AHDC1: variants seen among roughly 807,000 people sequenced by gnomAD.
The protein encoded by AHDC1 is AT-hook DNA binding motif containing 1, also known as transcription factor Gibbin.
A neutral mutation model predicts 87.9 loss-of-function variants in AHDC1; 7 were observed. The ratio of observed to expected loss-of-function variants is 0.08; its 90% CI spans 0.05 to 0.15. AHDC1 has a LOEUF of 0.15. Ranked by LOEUF, AHDC1 falls within the 10% of genes least tolerant of loss-of-function variation. The pLI is 1.00. For missense variants in AHDC1, 1,841 were observed against 2,253.2 expected, an observed-to-expected ratio of 0.82 and a Z score of 3.70; for synonymous variants, 1,051 against 1,006.8, an observed-to-expected ratio of 1.04 and a Z score of -0.83.
rs2089286146 is a variant in AHDC1, at chr1:27,593,544, T to C, written c.-629+9853A>G. On this transcript the variant is annotated intron_variant, in intron 3 of 8. Coordinates refer to ENST00000673934, the MANE Select transcript of AHDC1 (RefSeq NM_001371928.1). The surrounding 1 kb of genome is among the most constrained non-coding windows in gnomAD (Gnocchi z 4.9). The stretch of plus-strand genomic sequence containing the variant: ...GCCCATTCCCTCTGGCCCTTGGTGC[T>C]GCCCCAGTCCCACAGCCACGGCTCC... Among the ~76,000 whole-genome samples, 1 of 152,226 alleles carries C rather than the reference T, an allele frequency of 6.6e-6. No individual in the cohort carries two copies. Among genetic ancestry groups the C allele is most frequent in the Non-Finnish European group, 1.5e-5 (1 of 68,034 alleles).
Position 27,547,019 on chromosome 1 carries a change from T to C in AHDC1, c.*43+242A>G, listed in dbSNP as rs2148251842. 6.6e-6 allele frequency among the ~76,000 whole-genome samples: 1 copy of C among 151,994 alleles called. No individual in the cohort carries two copies. Among genetic ancestry groups the C allele is most frequent in the Non-Finnish European group, 1.5e-5 (1 of 67,956 alleles). On this transcript the variant is annotated intron_variant, in intron 8 of 8. Transcript: ENST00000673934. This position sits in a 1 kb window ranked among gnomAD's most constrained non-coding sequence, Gnocchi z 4.9. ...GTGTGTAGTCCTCTGGCCATTTCAA[T>C]TCACAAGACCCCCCCGAACGTTCAA...
Position 27,576,922 on chromosome 1 carries a change from T to C in AHDC1, c.-628-18039A>G, listed in dbSNP as rs544735413. Reference sequence around the variant, plus strand: ...GTCTAGCACCTCACACACACACATATATACAGTGCATCCCAGTGCTCACCG... The same window carrying C: ...GTCTAGCACCTCACACACACACATACATACAGTGCATCCCAGTGCTCACCG... On this transcript the variant is annotated intron_variant, in intron 3 of 8. Coordinates refer to ENST00000673934, the MANE Select transcript of AHDC1 (RefSeq NM_001371928.1). Among the ~76,000 whole-genome samples the C allele has an allele frequency of 2.0e-4, 30 of 152,202 alleles. No individual in the cohort carries two copies. The South Asian group carries it at 5.6e-3, about 28-fold the overall frequency.
chr1:27,580,811 C>A (rs1017733147), intron 3 of AHDC1, among the ~76,000 whole-genome samples: 1 of 152,184 alleles, frequency 6.6e-6, no homozygotes, highest in African/African-American at 2.4e-5. Context: ...GGTTTATAAA[C>A]CTCACAACAT....
At chr1:27,569,099 T>C (rs1394555216) in intron 3 of AHDC1, among the ~76,000 whole-genome samples, 1 of 135,438 alleles carries the variant, frequency 7.4e-6, no homozygotes, top group Non-Finnish European at 1.5e-5. Flanking sequence ...ATCATCTGGA[T>C]ACTACCCCCC....
chr1:27,602,819 AC>A (rs2089569772), intron 3 of AHDC1, among the ~76,000 whole-genome samples: 1 of 138,570 alleles, frequency 7.2e-6, no homozygotes, highest in South Asian at 2.5e-4. Flanking sequence ...TCCGCCCCAC[AC>A]CCCCTCCGGG....
At chr1:27,585,624 C>T (rs934799538) in intron 3 of AHDC1, among the ~76,000 whole-genome samples, 2 of 152,136 alleles carry the variant, frequency 1.3e-5, no homozygotes, top group African/African-American at 2.4e-5. Flanking sequence ...CACAAGGAAA[C>T]GGGAAGAGGT....
chr1:27,571,231 C>G (rs140519425), intron 3 of AHDC1, among the ~76,000 whole-genome samples: 1 of 152,292 alleles, frequency 6.6e-6, no homozygotes, highest in African/African-American at 2.4e-5. Context: ...CATCTCATCT[C>G]CCATGCCATT....
At chr1:27,572,134 G>A (rs2088547937) in intron 3 of AHDC1, among the ~76,000 whole-genome samples, 1 of 152,014 alleles carries the variant, frequency 6.6e-6, no homozygotes, top group Non-Finnish European at 1.5e-5. Context: ...TTGGGGGGTG[G>A]TCCAGACGGG....
At position 27,549,444 on chromosome 1, in the gene AHDC1, C is replaced by T. The variant is rs770718017; in HGVS notation, c.2672G>A (p.Arg891Gln). The T allele has an allele frequency of 3.2e-5, 52 of 1,612,668 alleles. No individual in the cohort carries two copies. The highest frequency in any genetic ancestry group is 4.2e-5 in the Non-Finnish European group (49 of 1,179,784). Residue 891 changes from arginine to glutamine, a missense_variant, in exon 8 of 9, where the codon CGG becomes CAG. Arg to Gln is a conservative substitution (Grantham distance 43, BLOSUM62 1). This residue lies in a region of AHDC1 where 378 missense variants were observed against 399.0 expected (regional missense o/e 0.95). Transcript: ENST00000673934. Reference protein sequence around the residue: ...AQRGLATFPSRGAKASPVAVG... With the variant: ...AQRGLATFPSQGAKASPVAVG... ...TGCCACTGGGCTGGCCTTGGCTCCC[C>T]GGCTAGGGAAGGTGGCCAGGCCCCG...
intron 3 of AHDC1, among the ~76,000 whole-genome samples, chr1:27,587,781 A>G (rs1021903336): frequency 6.6e-6 from 1 of 152,150 alleles, no homozygotes; most frequent in Non-Finnish European, 1.5e-5. Context: ...CAGCTACTAC[A>G]AGCCCAACAC....
At chr1:27,597,848 C>T (rs927671332) in intron 3 of AHDC1, among the ~76,000 whole-genome samples, 7 of 152,036 alleles carry the variant, frequency 4.6e-5, no homozygotes, top group African/African-American at 1.5e-4. Context: ...CATCTCTCTC[C>T]TTCTCCATCT....
rs935732998 is a variant in AHDC1, at chr1:27,565,067, C to T, written c.-628-6184G>A. On this transcript the variant is annotated intron_variant, in intron 3 of 8. Transcript: ENST00000673934. The surrounding 1 kb of genome is among the most constrained non-coding windows in gnomAD (Gnocchi z 4.6). Reference sequence around the variant, plus strand: ...CCCTGGGGGACTGAGTAAAGCGTGGCGACAGATGGCCTGCCGAGGCAGCGG... The same window carrying T: ...CCCTGGGGGACTGAGTAAAGCGTGGTGACAGATGGCCTGCCGAGGCAGCGG... Among the ~76,000 whole-genome samples the T allele has an allele frequency of 1.3e-3, 195 of 152,296 alleles. 1 individual carries two copies. The highest frequency in any genetic ancestry group is 4.2e-3 in the African/African-American group (174 of 41,568).
In AHDC1 at chr1:27,548,260, G is replaced by C; in HGVS notation, c.3856C>G (p.Arg1286Gly). ...GGGACSAKKERGGAAAKAKFI... is the reference protein window; with the variant it reads ...GGGACSAKKEGGGAAAKAKFI... The stretch of plus-strand genomic sequence containing the variant: ...TTGGCTTTGGCCGCTGCGCCACCCC[G>C]CTCCTTCTTGGCTGAGCAGGCCCCA... Residue 1286 changes from arginine (R) to glycine (G), a missense_variant, in exon 8 of 9, where the codon CGG becomes GGG. Physicochemically the swap from Arg to Gly is moderately radical, Grantham distance 125. Transcript: ENST00000673934. The C allele has an allele frequency of 6.2e-7, 1 of 1,611,208 alleles. No individual in the cohort carries two copies. The highest frequency in any genetic ancestry group is 1.1e-5 in the South Asian group (1 of 91,058).
At chr1:27,591,487 A>G (rs2089220995) in intron 3 of AHDC1, among the ~76,000 whole-genome samples, 1 of 152,120 alleles carries the variant, frequency 6.6e-6, no homozygotes, top group Non-Finnish European at 1.5e-5. Context: ...CACCCCCCTT[A>G]GCATTAGGCC....
In AHDC1 at chr1:27,592,475, C is replaced by A. The variant is rs535154426; in HGVS notation, c.-629+10922G>T. ...GACCACAGGGGTGCGGAGCTGGGGG[C>A]CCCAGAGACCCTGTGGGACCCCCAC... On this transcript the variant is annotated intron_variant, in intron 3 of 8. Coordinates refer to ENST00000673934, the MANE Select transcript of AHDC1 (RefSeq NM_001371928.1). Among the ~76,000 whole-genome samples the A allele has an allele frequency of 2.6e-4, 39 of 152,286 alleles. No homozygotes were observed. The South Asian group carries it at 7.5e-3, about 29-fold the overall frequency.
At chr1:27,591,774 T>C (rs1471444035) in intron 3 of AHDC1, among the ~76,000 whole-genome samples, 1 of 152,198 alleles carries the variant, frequency 6.6e-6, no homozygotes, top group Non-Finnish European at 1.5e-5. Flanking sequence ...GTGCCTTTTC[T>C]CAGCCTCAGA....
At chr1:27,537,262 C>A (rs1429566457) in intron 8 of AHDC1, among the ~76,000 whole-genome samples, 1 of 152,186 alleles carries the variant, frequency 6.6e-6, no homozygotes, top group East Asian at 1.9e-4. Context: ...GTGCTAGGCA[C>A]TGGGGACAAA....
intron 3 of AHDC1, among the ~76,000 whole-genome samples, chr1:27,602,622 G>C (rs1219059589): frequency 1.3e-5 from 2 of 152,220 alleles, no homozygotes; most frequent in Non-Finnish European, 2.9e-5. Context: ...CCTGCCTAGG[G>C]GGCTGACAGC....
intron 3 of AHDC1, among the ~76,000 whole-genome samples, chr1:27,578,292 A>G (rs557583586): frequency 6.6e-6 from 1 of 152,346 alleles, no homozygotes; most frequent in South Asian, 2.1e-4. Flanking sequence ...ATTGGGTTAT[A>G]TAAGATAAAT....
Sources: gnomAD v4.1 joint callset for allele counts (sites outside exome capture counted in the v4.1 genomes callset) on GRCh38, gnomAD v4.1.1 for gene constraint, gnomAD v4.1.1 regional missense constraint, Gnocchi (gnomAD v3.1) non-coding constraint, MANE v1.5 for transcripts, NCBI Gene and HGNC (gene_info 2026-07-23, HGNC 2026-07-21) for gene names.